ATG9A: variants seen among roughly 807,000 people sequenced by gnomAD.
The protein encoded by ATG9A is autophagy-related protein 9A.
A neutral mutation model predicts 87.1 loss-of-function variants in ATG9A; 21 were observed. The ratio of observed to expected loss-of-function variants is 0.24; its 90% CI spans 0.17 to 0.35. The LOEUF (loss-of-function observed/expected upper bound fraction) is 0.35. ATG9A is among the 10% of genes least tolerant of loss of function. The probability of loss-of-function intolerance (pLI) is 1.00; values close to 1 mark genes in which losing one functional copy is unlikely to be tolerated. For synonymous variants in ATG9A, 422 were observed against 441.3 expected (o/e 0.96, Z 0.55); for missense variants, 836 against 1,107.3 (o/e 0.76, Z 3.48).
In ATG9A at chr2:219,222,459, G is replaced by A. The variant is rs763667463; in HGVS notation, c.1849-9C>T. On this transcript the variant is annotated splice_polypyrimidine_tract_variant and intron_variant, in intron 11 of 15. Transcript: ENST00000361242. This position sits in a 1 kb window ranked among gnomAD's most constrained non-coding sequence, Gnocchi z 4.3. ...GCGATAAGGCTCAGGGGCTATGAAC[G>A]AAACGGGTAGGTAGAATTCTTGAGG... is the stretch of plus-strand genomic sequence containing the variant. The A allele has an allele frequency of 8.9e-5, 138 of 1,549,522 alleles. No homozygotes were observed. Among genetic ancestry groups the A allele is most frequent in the Admixed American group, 5.6e-4 (28 of 50,328 alleles).
chr2:219,222,976 C>G lies in ATG9A; in HGVS notation c.1600-83G>C. On this transcript the variant is annotated intron_variant, in intron 10 of 15. Coordinates refer to ENST00000361242, the MANE Select transcript of ATG9A (RefSeq NM_001077198.3). The surrounding 1 kb of genome is among the most constrained non-coding windows in gnomAD (Gnocchi z 4.3). ...CTTTCCTGTTAGTGGGGAGGCCTTA[C>G]CCTTGGAGAACGGAGACCACAGTAT... 1.9e-6 allele frequency: 3 copies of G among 1,562,050 alleles called. No homozygotes were observed. Among genetic ancestry groups the G allele is most frequent in the Non-Finnish European group, 2.6e-6 (3 of 1,151,936 alleles).
chr2:219,228,320 T>G, intron 2 of ATG9A, 114 bp downstream of exon 2: 1 of 399,446 alleles, frequency 2.5e-6, no homozygotes, highest in Non-Finnish European at 4.5e-6. Flanking sequence ...CATCTTCTAT[T>G]TAACGGACAG....
intron 2 of ATG9A, 77 bp from the exon 3 acceptor site, chr2:219,228,130 G>T: frequency 1.0e-6 from 1 of 1,000,108 alleles, no homozygotes; most frequent in Non-Finnish European, 1.5e-6. Context: ...ACTGCCAAAA[G>T]GAGAAAGTAC....
rs1383008289 is a variant in ATG9A at position 219,223,237 on chromosome 2, G to A, written c.1600-344C>T. ...CGAGTAGCTGGGACTACAGGCGCCC[G>A]CTACCACGCCTGGCTAATTTTTTTG... On this transcript the variant is annotated intron_variant, in intron 10 of 15. Coordinates refer to ENST00000361242, the MANE Select transcript of ATG9A (RefSeq NM_001077198.3). This position sits in a 1 kb window ranked among gnomAD's most constrained non-coding sequence, Gnocchi z 4.7. Among the ~76,000 whole-genome samples, 1 of 152,054 alleles carries A rather than the reference G, an allele frequency of 6.6e-6. No homozygotes were observed. The highest frequency in any genetic ancestry group is 1.5e-5 in the Non-Finnish European group (1 of 68,030).
chr2:219,220,475 A>C (rs768835279), intron 15 of ATG9A, 23 bp from the exon 16 acceptor site: 10 of 1,613,604 alleles, frequency 6.2e-6, no homozygotes, highest in Non-Finnish European at 8.5e-6. Flanking sequence ...AGGGTTGGTA[A>C]TGGAGATAGT....
intron 5 of ATG9A, among the ~76,000 whole-genome samples, chr2:219,225,809 GCCA>G (rs1002961245): frequency 3.2e-4 from 49 of 152,338 alleles, no homozygotes; most frequent in African/African-American, 1.2e-3. Context: ...GGTAACCTCA[GCCA>G]CCACTACTGG....
Position 219,222,785 on chromosome 2 carries a change from G to T in ATG9A, c.1708C>A (p.Pro570Thr). 1 of 1,614,228 alleles carries T rather than the reference G, an allele frequency of 6.2e-7. No homozygotes were observed. Among genetic ancestry groups the T allele is most frequent in the Non-Finnish European group, 8.5e-7 (1 of 1,180,042 alleles). ...CCTAGGAAGGCTGTGCTCTCACGTG[G>T]TGGCTGCCAGCCAGGGTTGGTGATG... ...FAITNPGWQP[P>T]RESTAFLGFL... Residue 570 changes from proline to threonine, a missense_variant, in exon 11 of 16, where the codon CCA (proline) becomes ACA (threonine). By Grantham distance (38) the Pro-to-Thr change is conservative (BLOSUM62 -1). Coordinates refer to ENST00000361242, the MANE Select transcript of ATG9A (RefSeq NM_001077198.3). The surrounding 1 kb of genome is among the most constrained non-coding windows in gnomAD (Gnocchi z 4.3).
intron 5 of ATG9A, 136 bp from the exon 6 acceptor site, chr2:219,225,708 C>T: frequency 1.1e-6 from 1 of 914,606 alleles, no homozygotes; most frequent in Non-Finnish European, 1.6e-6. Flanking sequence ...AGTGGGCCCT[C>T]TCTGCTCCTC....
At chr2:219,221,032 C>T in intron 14 of ATG9A, 48 bp downstream of exon 14, 1 of 1,602,060 alleles carries the variant, frequency 6.2e-7, no homozygotes, top group Non-Finnish European at 8.5e-7. Context: ...CCTGGAAGAA[C>T]CACCCTTCCC....
chr2:219,220,191 G>C lies in ATG9A; in HGVS notation c.*256C>G, dbSNP rs1169612474. ...GGGCTGGGCTGGGGGCCAGTTTCTA[G>C]CACCACACTCTGAGCCAAGGGGGTC... On this transcript the variant is annotated 3_prime_UTR_variant, in exon 16 of 16. Transcript: ENST00000361242. The C allele has an allele frequency of 3.8e-6, 2 of 520,236 alleles. No homozygotes were observed. Among genetic ancestry groups the C allele is most frequent in the South Asian group, 5.9e-5 (2 of 33,884 alleles). 32.2% of individuals were successfully genotyped at this position (520,236 alleles called of 1,614,324 possible).
chr2:219,228,102 C>T, intron 2 of ATG9A, 49 bp from the exon 3 acceptor site: 1 of 1,333,966 alleles, frequency 7.5e-7, no homozygotes, highest in Non-Finnish European at 1.1e-6. Flanking sequence ...CAGCTGCTGC[C>T]CATGGGCTGC....
In ATG9A at chr2:219,224,579, G is replaced by A. The variant is rs1336823697; in HGVS notation, c.792C>T (p.Leu264=). Residue 264 remains leucine, a synonymous_variant, in exon 8 of 16, where the codon CTC becomes CTT. Coordinates refer to ENST00000361242, the MANE Select transcript of ATG9A (RefSeq NM_001077198.3). The surrounding 1 kb of genome is among the most constrained non-coding windows in gnomAD (Gnocchi z 7.7). ...ACTCGGCCTTGAGGCTCCATTCATT[G>A]AGAAACAGAGAGCCAGGTCCCCAGA... is the stretch of plus-strand genomic sequence containing the variant. The part of the protein sequence containing the change: ...ILFWGPGSLF[L]NEWSLKAEYK... 1 of 1,614,194 alleles carries A rather than the reference G, an allele frequency of 6.2e-7. No individual in the cohort carries two copies.
chr2:219,225,029 C>A, intron 7 of ATG9A, 42 bp downstream of exon 7: 1 of 1,610,554 alleles, frequency 6.2e-7, no homozygotes, highest in Non-Finnish European at 8.5e-7. Context: ...CCTCCCAATA[C>A]GTCTTAGACT....
chr2:219,226,572 C>T (rs901724941), intron 5 of ATG9A, among the ~76,000 whole-genome samples: 6 of 151,958 alleles, frequency 3.9e-5, no homozygotes, highest in Admixed American at 3.9e-4. Context: ...CCTGTAGTCC[C>T]AGCTACTAAG....
chr2:219,225,390 C>T, intron 6 of ATG9A, 21 bp downstream of exon 6: 1 of 1,612,660 alleles, frequency 6.2e-7, no homozygotes, highest in Non-Finnish European at 8.5e-7. Flanking sequence ...CTATGGTGTC[C>T]TCTTGACTTG....
Position 219,224,192 on chromosome 2 carries a change from G to A in ATG9A, c.1179C>T (p.Ala393=), listed in dbSNP as rs762609003. ...ACACATCTTCGTCATAAATGGTGAG[G>A]GCAATAAGCACAGCCAGGATGGAGC... ...FAGSILAVLI[A]LTIYDEDVLA... Residue 393 remains alanine, a synonymous_variant, in exon 8 of 16, where the codon GCC becomes GCT. Transcript: ENST00000361242. This position sits in a 1 kb window ranked among gnomAD's most constrained non-coding sequence, Gnocchi z 7.7. The A allele has an allele frequency of 2.5e-6, 4 of 1,613,770 alleles. No homozygotes were observed. Among genetic ancestry groups the A allele is most frequent in the East Asian group, 2.2e-5 (1 of 44,882 alleles).
chr2:219,229,346 G>GCCCCGGCGCCCGCGCGCGC lies in ATG9A; in HGVS notation c.-82+170_-82+188dup, dbSNP rs1194561060. The GCCCCGGCGCCCGCGCGCGC allele has an allele frequency of 6.6e-6, 1 of 151,322 alleles. No individual in the cohort carries two copies. Among genetic ancestry groups the GCCCCGGCGCCCGCGCGCGC allele is most frequent in the African/African-American group, 2.4e-5 (1 of 41,204 alleles). 9.4% of individuals were successfully genotyped at this position (151,322 alleles called of 1,614,324 possible). On this transcript the variant is annotated intron_variant, in intron 1 of 15. Coordinates refer to ENST00000361242, the MANE Select transcript of ATG9A (RefSeq NM_001077198.3). The surrounding 1 kb of genome is among the most constrained non-coding windows in gnomAD (Gnocchi z 4.2). ...CCAACAGCGGACAACCTCGCGCGCG[G>GCCCCGGCGCCCGCGCGCGC]CCCCGGCGCCCGCGCGCGCCCCCGT...
chr2:219,226,807 C>CA, intron 5 of ATG9A, 62 bp downstream of exon 5: 1 of 1,497,710 alleles, frequency 6.7e-7, no homozygotes, highest in Middle Eastern at 1.7e-4. Flanking sequence ...AGTGTGAGTG[C>CA]AAGGAGAGGA....
At position 219,219,668 on chromosome 2, in the gene ATG9A, T is replaced by C. The variant is rs1337392211; in HGVS notation, c.*779A>G. The C allele has an allele frequency of 6.6e-6, 1 of 152,496 alleles. No homozygotes were observed. Among genetic ancestry groups the C allele is most frequent in the Non-Finnish European group, 1.5e-5 (1 of 68,102 alleles). 9.4% of individuals were successfully genotyped at this position (152,496 alleles called of 1,614,324 possible). On this transcript the variant is annotated 3_prime_UTR_variant, in exon 16 of 16. Coordinates refer to ENST00000361242, the MANE Select transcript of ATG9A (RefSeq NM_001077198.3). ...ACCCTCCAGCCCGGTCTGTCCCATG[T>C]GCAGGTGATGGGGGGTACGATAAGC... is the stretch of plus-strand genomic sequence containing the variant.
Sources: allele counts gnomAD v4.1 joint callset (sites outside exome capture counted in the v4.1 genomes callset), GRCh38; gene constraint gnomAD v4.1.1; non-coding constraint Gnocchi (gnomAD v3.1); transcripts MANE v1.5; gene names NCBI Gene and HGNC (gene_info 2026-07-23, HGNC 2026-07-21).